The following PDZRN3 variants were observed in gnomAD, a reference collection of about 807,000 sequenced individuals.
PDZRN3 encodes the protein PDZ domain containing ring finger 3.
PDZRN3 carries 38 observed loss-of-function variants against 85.7 expected under a neutral mutation model. The observed-to-expected ratio is 0.44, with a 90% CI of 0.34 to 0.58. The LOEUF is 0.58. PDZRN3 is among the 20% of genes least tolerant of loss of function. The probability of loss-of-function intolerance (pLI) is 0.01; values close to 1 mark genes in which losing one functional copy is unlikely to be tolerated. For missense variants in PDZRN3, 1,629 were observed against 1,506.4 expected, an observed-to-expected ratio of 1.08 and a Z score of -1.35; for synonymous variants, 759 against 638.0, an observed-to-expected ratio of 1.19 and a Z score of -2.86.
intron 3 of PDZRN3, among the ~76,000 whole-genome samples, chr3:73,565,552 T>C (rs928747568): frequency 7.2e-5 from 11 of 152,252 alleles, no homozygotes; most frequent in Admixed American, 3.9e-4. Context: ...AAGGATTAGG[T>C]TGATAAATCT....
At chr3:73,512,142 G>A (rs147154617) in intron 3 of PDZRN3, among the ~76,000 whole-genome samples, 45 of 152,324 alleles carry the variant, frequency 3.0e-4, no homozygotes, top group Middle Eastern at 3.4e-3. Flanking sequence ...GTTCCTGTGA[G>A]TGCTTTCAGT....
Position 73,494,243 on chromosome 3 carries a change from A to G in PDZRN3, c.919-89848T>C, listed in dbSNP as rs61456634. Reference sequence around the variant, plus strand: ...ACTGAGCCTTTCTTACTACAAAACAAGATCAGAATCAGAGAATTAAGAAGT... The same window carrying G: ...ACTGAGCCTTTCTTACTACAAAACAGGATCAGAATCAGAGAATTAAGAAGT... On this transcript the variant is annotated intron_variant, in intron 3 of 9. Transcript: ENST00000263666. 1.0e-3 allele frequency among the ~76,000 whole-genome samples: 154 copies of G among 152,358 alleles called. 1 individual carries two copies. The East Asian group carries it at 0.02, about 20-fold the overall frequency.
chr3:73,588,965 C>A (rs1702316043), intron 3 of PDZRN3, among the ~76,000 whole-genome samples: 1 of 152,174 alleles, frequency 6.6e-6, no homozygotes, highest in Admixed American at 6.5e-5. Flanking sequence ...ACTCTTTCCA[C>A]TGCCCTGTGA....
Position 73,624,342 on chromosome 3 carries a change from A to G in PDZRN3, c.484T>C (p.Cys162Arg), listed in dbSNP as rs1702928323. 2 of 1,304,028 alleles carry G rather than the reference A, an allele frequency of 1.5e-6. No homozygotes were observed. The highest frequency in any genetic ancestry group is 2.4e-5 in the South Asian group (1 of 42,506). 80.8% of individuals were successfully genotyped at this position (1,304,028 alleles called of 1,614,324 possible). The change falls in exon 1 of 10, where the codon TGC becomes CGC. Residue 162 changes from cysteine to arginine, a missense_variant. Coordinates refer to ENST00000263666, the MANE Select transcript of PDZRN3 (RefSeq NM_015009.3). ...TTGTGCGCCCGCAGCGCTCGCGCGC[A>G]GCAGTGGCCGCCCGCGCGCTGCTCG... is the stretch of plus-strand genomic sequence containing the variant. ...HGEQRAGGHC[C>R]ARALRAHNGA...
At position 73,584,714 on chromosome 3, in the gene PDZRN3, G is replaced by A. The variant is rs201615913; in HGVS notation, c.918+17640C>T. 7.2e-5 allele frequency among the ~76,000 whole-genome samples: 11 copies of A among 152,114 alleles called. No homozygotes were observed. In the South Asian group the frequency reaches 1.5e-3, roughly 20 times the overall value. On this transcript the variant is annotated intron_variant, in intron 3 of 9. Coordinates refer to ENST00000263666, the MANE Select transcript of PDZRN3 (RefSeq NM_015009.3). ...CAGTCTCTCTAAATACAAAAGCTAC[G>A]TTGCATTCTATAGTTAATATGTTCA...
chr3:73,616,087 A>C (rs1377131090), intron 1 of PDZRN3, among the ~76,000 whole-genome samples: 2 of 151,968 alleles, frequency 1.3e-5, no homozygotes, highest in Non-Finnish European at 2.9e-5. Flanking sequence ...AGAGCCTGGA[A>C]CTTCTCTCCT....
In PDZRN3 at chr3:73,390,939, G is replaced by A. The variant is rs149795386; in HGVS notation, c.1353+79C>T. 154 of 834,066 alleles carry A rather than the reference G, an allele frequency of 1.8e-4. 1 individual carries two copies. The East Asian group carries it at 3.8e-3, about 20-fold the overall frequency. The allele number at this position is 834,066 out of a possible 1,614,324, so 51.7% of individuals were successfully genotyped here. The stretch of plus-strand genomic sequence containing the variant: ...TTCCAAAGAGATCTTGATGAGGTGG[G>A]TTAGGGTTGGTGAACATGAAAAAAA... On this transcript the variant is annotated intron_variant, in intron 6 of 9. Transcript: ENST00000263666.
intron 3 of PDZRN3, among the ~76,000 whole-genome samples, chr3:73,461,349 T>C (rs1036443262): frequency 2.6e-5 from 4 of 152,224 alleles, no homozygotes; most frequent in Non-Finnish European, 4.4e-5. Flanking sequence ...CAGGAAGCTA[T>C]GTAAACATGG....
intron 3 of PDZRN3, among the ~76,000 whole-genome samples, chr3:73,448,970 T>C (rs541815814): frequency 3.9e-5 from 6 of 152,220 alleles, no homozygotes; most frequent in Non-Finnish European, 8.8e-5. Context: ...GTGTGTGGCA[T>C]GGTTGGAGTC....
At chr3:73,451,832 G>T (rs1005784460) in intron 3 of PDZRN3, among the ~76,000 whole-genome samples, 11 of 149,270 alleles carry the variant, frequency 7.4e-5, no homozygotes, top group Non-Finnish European at 1.5e-4. Context: ...GAATCCCGCA[G>T]ATGCTCTAGC....
At position 73,404,193 on chromosome 3, in the gene PDZRN3, G is replaced by A; in HGVS notation, c.1121C>T (p.Ser374Phe). Reference sequence around the variant, plus strand: ...ATCCAGCACGGGTGGGCTGGGAGAGGACATCTTAGTGAGGGCCATGATATG... The same window carrying A: ...ATCCAGCACGGGTGGGCTGGGAGAGAACATCTTAGTGAGGGCCATGATATG... ...FEHIMALTKMSSPSPPVLDPY... is the reference protein window; with the variant it reads ...FEHIMALTKMFSPSPPVLDPY... Residue 374 changes from serine (S) to phenylalanine (F), a missense_variant, in exon 4 of 10, where the codon TCC (serine) becomes TTC (phenylalanine). By Grantham distance (155) the Ser-to-Phe change is radical. Coordinates refer to ENST00000263666, the MANE Select transcript of PDZRN3 (RefSeq NM_015009.3). The A allele has an allele frequency of 4.3e-6, 7 of 1,614,072 alleles. No individual in the cohort carries two copies. The highest frequency in any genetic ancestry group is 5.9e-6 in the Non-Finnish European group (7 of 1,179,920).
At chr3:73,516,919 A>G (rs1704266606) in intron 3 of PDZRN3, among the ~76,000 whole-genome samples, 1 of 152,190 alleles carries the variant, frequency 6.6e-6, no homozygotes, top group Admixed American at 6.5e-5. Flanking sequence ...GGTCAAAGCA[A>G]ACACTACACA....
chr3:73,612,974 G>A (rs1702707209), intron 1 of PDZRN3, among the ~76,000 whole-genome samples: 1 of 152,188 alleles, frequency 6.6e-6, no homozygotes, highest in African/African-American at 2.4e-5. Flanking sequence ...AGGTCATGAT[G>A]CTCTTTTCCC....
At chr3:73,535,307 T>A (rs1575717704) in intron 3 of PDZRN3, among the ~76,000 whole-genome samples, 1 of 152,226 alleles carries the variant, frequency 6.6e-6, no homozygotes, top group Non-Finnish European at 1.5e-5. Context: ...AGCAATACAG[T>A]GACAATCACT....
intron 3 of PDZRN3, among the ~76,000 whole-genome samples, chr3:73,595,070 T>C (rs538373466): frequency 1.3e-5 from 2 of 152,332 alleles, no homozygotes; most frequent in South Asian, 4.1e-4. Context: ...TCAGAATTTT[T>C]TGACACCATA....
At chr3:73,414,218 T>C (rs1702031805) in intron 3 of PDZRN3, among the ~76,000 whole-genome samples, 1 of 152,192 alleles carries the variant, frequency 6.6e-6, no homozygotes, top group Non-Finnish European at 1.5e-5. Flanking sequence ...TTTTGAAAAA[T>C]GCTATTGGAC....
At chr3:73,616,830 T>TA (rs1295854729) in intron 1 of PDZRN3, among the ~76,000 whole-genome samples, 2 of 152,174 alleles carry the variant, frequency 1.3e-5, no homozygotes, top group Non-Finnish European at 2.9e-5. Context: ...GATCCCATTT[T>TA]AGAGGTGAGG....
intron 3 of PDZRN3, among the ~76,000 whole-genome samples, chr3:73,544,419 A>T (rs138633868): frequency 0.012 from 1,894 of 152,186 alleles, 48 homozygotes; most frequent in African/African-American, 0.043. Context: ...CCTTTAAAAG[A>T]GTGGCTTTTC....
chr3:73,408,596 G>GT (rs916072303), intron 3 of PDZRN3, among the ~76,000 whole-genome samples: 1 of 151,710 alleles, frequency 6.6e-6, no homozygotes, highest in African/African-American at 2.4e-5. Context: ...GGAGGGGGGG[G>GT]GGTGCAACAG....
Sources: gnomAD v4.1 joint callset for allele counts (sites outside exome capture counted in the v4.1 genomes callset) on GRCh38, gnomAD v4.1.1 for gene constraint, MANE v1.5 for transcripts, NCBI Gene and HGNC (gene_info 2026-07-23, HGNC 2026-07-21) for gene names.